PIK3CB: variants seen among roughly 807,000 people sequenced by gnomAD.
PIK3CB encodes phosphatidylinositol-4,5-bisphosphate 3-kinase catalytic subunit beta.
A neutral mutation model predicts 136.8 loss-of-function variants in PIK3CB; 39 were observed. The observed-to-expected ratio is 0.29, with a 90% confidence interval of 0.22 to 0.37. The LOEUF is 0.37. PIK3CB is among the 10% of genes least tolerant of loss of function. PIK3CB has a pLI of 1.00. For synonymous variants in PIK3CB, 428 were observed against 436.6 expected, an observed-to-expected ratio of 0.98 and a Z score of 0.25; for missense variants, 868 against 1,275.4, an observed-to-expected ratio of 0.68 and a Z score of 4.87.
intron 12 of PIK3CB, among the ~76,000 whole-genome samples, chr3:138,699,986 G>T (rs915512053): frequency 3.3e-5 from 5 of 152,206 alleles, no homozygotes; most frequent in Middle Eastern, 3.4e-3. Flanking sequence ...AAGACTGCTT[G>T]AGCCCCGGAG....
rs1385336059 is a variant in PIK3CB at position 138,787,626 on chromosome 3, A to C, written c.-17+8837T>G. Among the ~76,000 whole-genome samples, 3 of 152,156 alleles carry C rather than the reference A, an allele frequency of 2.0e-5. No individual in the cohort carries two copies. In the East Asian group the frequency reaches 5.8e-4, roughly 29 times the overall value. On this transcript the variant is annotated intron_variant, in intron 2 of 23. Transcript: ENST00000674063. Reference sequence around the variant, plus strand: ...TGAATAGGGAATATATTTTTCCAACAGTTAAGGTAGTACACAATCAATCAG... The same window carrying C: ...TGAATAGGGAATATATTTTTCCAACCGTTAAGGTAGTACACAATCAATCAG...
rs539160797 is a variant in PIK3CB, at chr3:138,817,029, C to T, written c.-122+17666G>A. Reference sequence around the variant, plus strand: ...CAGCCTGACCAACATGGAGAAACCCCGTCTCTACTAAAAATACAAAAAAAA... The same window carrying T: ...CAGCCTGACCAACATGGAGAAACCCTGTCTCTACTAAAAATACAAAAAAAA... On this transcript the variant is annotated intron_variant, in intron 1 of 23. Transcript: ENST00000674063. Among the ~76,000 whole-genome samples the T allele has an allele frequency of 7.4e-5, 11 of 149,026 alleles. No homozygotes were observed. The South Asian group carries it at 1.7e-3, about 23-fold the overall frequency.
intron 2 of PIK3CB, among the ~76,000 whole-genome samples, chr3:138,759,862 C>G (rs139112782): frequency 4.0e-4 from 61 of 151,926 alleles, no homozygotes; most frequent in African/African-American, 1.5e-3. Flanking sequence ...AAATGACAAT[C>G]AAGAGGGCCC....
intron 2 of PIK3CB, among the ~76,000 whole-genome samples, chr3:138,783,197 C>A (rs1308781511): frequency 1.3e-5 from 2 of 152,120 alleles, no homozygotes; most frequent in East Asian, 3.9e-4. Context: ...CCTCTGTAAT[C>A]TTCTGATGAG....
chr3:138,664,035 C>T lies in PIK3CB; in HGVS notation c.2673-6G>A. 1.2e-6 allele frequency: 2 copies of T among 1,612,764 alleles called. No individual in the cohort carries two copies. The highest frequency in any genetic ancestry group is 1.3e-5 in the African/African-American group (1 of 74,908). On this transcript the variant is annotated splice_polypyrimidine_tract_variant and splice_region_variant and intron_variant, in intron 20 of 23. Transcript: ENST00000674063. ...TGGCTCGGTCCAGGTCATCCCTGAA[C>T]AAGAGAAAAGAACAGAAGCAAAAAA... is the stretch of plus-strand genomic sequence containing the variant.
chr3:138,813,649 C>T (rs1350941279), intron 1 of PIK3CB, among the ~76,000 whole-genome samples: 1 of 151,998 alleles, frequency 6.6e-6, no homozygotes, highest in Non-Finnish European at 1.5e-5. Context: ...GATCTCCTGA[C>T]CTCGTGATCT....
chr3:138,665,876 A>G (rs1292898882), intron 19 of PIK3CB, among the ~76,000 whole-genome samples: 2 of 152,186 alleles, frequency 1.3e-5, no homozygotes, highest in Non-Finnish European at 2.9e-5. Context: ...GAGCAGCAAA[A>G]GCAATACGAC....
intron 4 of PIK3CB, among the ~76,000 whole-genome samples, chr3:138,748,368 C>T (rs748728184): frequency 6.6e-6 from 1 of 152,090 alleles, no homozygotes; most frequent in Non-Finnish European, 1.5e-5. Flanking sequence ...TCTCTGAAAC[C>T]TTCCCTTTTT....
chr3:138,729,353 T>C (rs1015501057), intron 8 of PIK3CB, among the ~76,000 whole-genome samples: 2 of 152,124 alleles, frequency 1.3e-5, no homozygotes, highest in Admixed American at 6.6e-5. Flanking sequence ...CAGGGTACCC[T>C]GGTATTTGGT....
At chr3:138,731,292 A>G (rs1323416681) in intron 8 of PIK3CB, among the ~76,000 whole-genome samples, 1 of 151,718 alleles carries the variant, frequency 6.6e-6, no homozygotes, top group Non-Finnish European at 1.5e-5. Flanking sequence ...TCACTCTGTC[A>G]CCGGGGTGGA....
chr3:138,667,408 G>A (rs1025425014), intron 19 of PIK3CB, among the ~76,000 whole-genome samples: 9 of 152,008 alleles, frequency 5.9e-5, no homozygotes, highest in Non-Finnish European at 4.4e-5. Context: ...CTTTATGAGC[G>A]ACAAAGAGAG....
intron 2 of PIK3CB, among the ~76,000 whole-genome samples, chr3:138,773,216 C>A (rs1279809488): frequency 1.3e-5 from 2 of 152,028 alleles, no homozygotes; most frequent in East Asian, 3.9e-4. Context: ...GCCTGGCCAA[C>A]ATGGTGAAAC....
intron 4 of PIK3CB, among the ~76,000 whole-genome samples, chr3:138,749,802 C>T (rs1419147620): frequency 6.6e-6 from 1 of 152,174 alleles, no homozygotes; most frequent in African/African-American, 2.4e-5. Flanking sequence ...AGGTGACTTT[C>T]CTTTTCAAAA....
At chr3:138,758,082 A>C (rs1435709753) in intron 3 of PIK3CB, among the ~76,000 whole-genome samples, 76 of 152,364 alleles carry the variant, frequency 5.0e-4, no homozygotes, top group Non-Finnish European at 1.5e-5. Flanking sequence ...CAGCCATAAA[A>C]GGGAATGAAA....
At chr3:138,731,603 A>G (rs2044975180) in intron 8 of PIK3CB, among the ~76,000 whole-genome samples, 4 of 152,082 alleles carry the variant, frequency 2.6e-5, no homozygotes, top group Admixed American at 2.0e-4. Flanking sequence ...ATACTTTTGC[A>G]ATTAAAAAAT....
chr3:138,755,546 T>C (rs1403135329), intron 4 of PIK3CB, among the ~76,000 whole-genome samples: 1 of 152,156 alleles, frequency 6.6e-6, no homozygotes, highest in Non-Finnish European at 1.5e-5. Flanking sequence ...AGCCCTTGGA[T>C]GCTATGGCAA....
intron 21 of PIK3CB, among the ~76,000 whole-genome samples, chr3:138,663,515 G>A (rs2043342850): frequency 6.6e-6 from 1 of 152,054 alleles, no homozygotes. Context: ...CCAAGTAGCT[G>A]GGATTACAGG....
At chr3:138,699,223 TA>T (rs55874901) in intron 12 of PIK3CB, 128 bp from the exon 13 acceptor site, 21,219 of 245,512 alleles carry the variant, frequency 0.086, 446 homozygotes, top group East Asian at 0.16. Flanking sequence ...TATAATTCCA[TA>T]AAAAAAAAAA....
chr3:138,802,237 A>G (rs1470154946), intron 1 of PIK3CB, among the ~76,000 whole-genome samples: 1 of 145,060 alleles, frequency 6.9e-6, no homozygotes, highest in Non-Finnish European at 1.5e-5. Context: ...AAAAAAATCC[A>G]GGCATGGTGG....
Sources: gnomAD v4.1 joint callset for allele counts (sites outside exome capture counted in the v4.1 genomes callset) on GRCh38, gnomAD v4.1.1 for gene constraint, MANE v1.5 for transcripts, NCBI Gene and HGNC (gene_info 2026-07-23, HGNC 2026-07-21) for gene names.